Variants in DHX57 observed in about 807,000 individuals in gnomAD.
DHX57 encodes the protein DExH-box helicase 57.
In DHX57, 105 loss-of-function variants were observed where a neutral mutation model predicts 156.2. That is an observed-to-expected ratio of 0.67 (90% CI 0.57 to 0.79). DHX57 has a LOEUF of 0.79. Ranked by LOEUF, DHX57 falls within the 30% of genes least tolerant of loss-of-function variation. DHX57 has a pLI of 0.00. For missense variants in DHX57, 1,847 were observed against 1,661.9 expected, an observed-to-expected ratio of 1.11 and a Z score of -1.94; for synonymous variants, 704 against 595.6, an observed-to-expected ratio of 1.18 and a Z score of -2.65.
intron 12 of DHX57, chr2:38,838,866 T>A (rs1292791543): frequency 2.3e-6 from 1 of 437,814 alleles, no homozygotes; most frequent in Non-Finnish European, 4.6e-6. Context: ...TCTCCTAATC[T>A]ATCTGCGATC....
At chr2:38,841,148 T>C (rs1433250752) in intron 12 of DHX57, among the ~76,000 whole-genome samples, 4 of 152,204 alleles carry the variant, frequency 2.6e-5, no homozygotes, top group Admixed American at 6.5e-5. Context: ...TGTTCCATAA[T>C]TTAATGGAAT....
chr2:38,839,995 G>A (rs918273308), intron 12 of DHX57, among the ~76,000 whole-genome samples: 5 of 152,174 alleles, frequency 3.3e-5, no homozygotes, highest in African/African-American at 7.2e-5. Flanking sequence ...TCCTCAGGCT[G>A]GAGTGCAGTG....
intron 20 of DHX57, among the ~76,000 whole-genome samples, chr2:38,814,223 C>G: frequency 6.6e-6 from 1 of 152,180 alleles, no homozygotes; most frequent in East Asian, 1.9e-4. Flanking sequence ...CAGGCGTGAG[C>G]CACTGCGTCT....
chr2:38,826,866 C>A (rs1671112797), intron 14 of DHX57, among the ~76,000 whole-genome samples, 177 bp from the exon 15 acceptor site: 1 of 152,216 alleles, frequency 6.6e-6, no homozygotes, highest in African/African-American at 2.4e-5. Context: ...TACGGTGGCT[C>A]ACACCTGTAA....
At chr2:38,858,951 A>C in intron 5 of DHX57, 115 bp from the exon 6 acceptor site, 1 of 1,031,376 alleles carries the variant, frequency 9.7e-7, no homozygotes, top group Non-Finnish European at 1.4e-6. Flanking sequence ...AAAAAGTGAA[A>C]ACTTGAATAA....
chr2:38,847,233 T>C (rs896902655), intron 10 of DHX57, among the ~76,000 whole-genome samples, 160 bp from the exon 11 acceptor site: 2 of 152,202 alleles, frequency 1.3e-5, no homozygotes, highest in African/African-American at 2.4e-5. Flanking sequence ...GTAACAGAAA[T>C]TGGAAAGGGC....
chr2:38,856,664 C>A, intron 6 of DHX57: 1 of 511,836 alleles, frequency 2.0e-6, no homozygotes, highest in Admixed American at 4.1e-5. Flanking sequence ...CCACTATACC[C>A]GGCTTTTTGT....
intron 13 of DHX57, among the ~76,000 whole-genome samples, chr2:38,828,961 G>T (rs531273721): frequency 1.2e-3 from 180 of 152,042 alleles, no homozygotes; most frequent in African/African-American, 3.8e-3. Flanking sequence ...TATTTTTTGA[G>T]ACAAGGCCTT....
chr2:38,833,146 T>C (rs1285264599), intron 13 of DHX57, among the ~76,000 whole-genome samples: 5 of 152,044 alleles, frequency 3.3e-5, no homozygotes, highest in African/African-American at 4.8e-5. Context: ...AAATGAATTC[T>C]TTTATTTTTT....
chr2:38,815,417 G>T, intron 20 of DHX57, 104 bp downstream of exon 20: 1 of 1,462,410 alleles, frequency 6.8e-7, no homozygotes. Flanking sequence ...TTAACCCACT[G>T]CTCAAAGGCT....
intron 23 of DHX57, among the ~76,000 whole-genome samples, chr2:38,799,090 C>T (rs1483813580): frequency 6.8e-6 from 1 of 147,632 alleles, no homozygotes; most frequent in Non-Finnish European, 1.5e-5. Flanking sequence ...AGGGCCGGGC[C>T]CGGTGGCTCA....
chr2:38,871,088 A>G (rs1421274317), intron 1 of DHX57, among the ~76,000 whole-genome samples: 1 of 152,200 alleles, frequency 6.6e-6, no homozygotes, highest in African/African-American at 2.4e-5. Context: ...ATTTAAATCT[A>G]CATGAAAAAA....
chr2:38,838,763 G>T (rs1020534195), intron 12 of DHX57: 5 of 455,978 alleles, frequency 1.1e-5, no homozygotes, highest in South Asian at 3.1e-5. Flanking sequence ...ATGATAAGTG[G>T]TTGATCTTCC....
At chr2:38,853,044 GTTTTC>G (rs1194531472) in intron 9 of DHX57, 14 of 153,794 alleles carry the variant, frequency 9.1e-5, no homozygotes, top group African/African-American at 2.9e-4. Context: ...TCATATTTCA[GTTTTC>G]TTTTCTTTTC....
chr2:38,860,750 A>G (rs554192425), intron 5 of DHX57, among the ~76,000 whole-genome samples: 3 of 152,380 alleles, frequency 2.0e-5, no homozygotes, highest in Non-Finnish European at 2.9e-5. Flanking sequence ...CGGATTTTAT[A>G]TAGTTAAACA....
intron 9 of DHX57, among the ~76,000 whole-genome samples, chr2:38,851,868 G>A (rs998980608): frequency 6.6e-6 from 1 of 151,994 alleles, no homozygotes; most frequent in Admixed American, 6.6e-5. Context: ...CAATGATTTT[G>A]TTAAAAAAAT....
At chr2:38,813,983 G>T (rs1162570507) in intron 20 of DHX57, 88 bp from the exon 21 acceptor site, 54 of 1,472,740 alleles carry the variant, frequency 3.7e-5, no homozygotes, top group Non-Finnish European at 4.9e-5. Flanking sequence ...TGTCACCCAG[G>T]CAAGTGTGCA....
chr2:38,817,224 G>A (rs891879901), intron 19 of DHX57, among the ~76,000 whole-genome samples: 11 of 151,986 alleles, frequency 7.2e-5, no homozygotes, highest in South Asian at 2.1e-4. Flanking sequence ...GAGCCACTGC[G>A]CAGGGTCCCA....
At chr2:38,813,533 G>C (rs539811003) in intron 21 of DHX57, among the ~76,000 whole-genome samples, 27 of 151,926 alleles carry the variant, frequency 1.8e-4, no homozygotes, top group Middle Eastern at 3.4e-3. Flanking sequence ...ACCATGCCTG[G>C]CTAATTTTTT....
Sources: allele counts gnomAD v4.1 joint callset (sites outside exome capture counted in the v4.1 genomes callset), GRCh38; gene constraint gnomAD v4.1.1; transcripts MANE v1.5; gene names NCBI Gene and HGNC (gene_info 2026-07-23, HGNC 2026-07-21).